The following ME1 variants were observed in gnomAD, a reference collection of about 807,000 sequenced individuals.
ME1 encodes malic enzyme 1.
A neutral mutation model predicts 66.4 loss-of-function variants in ME1; 74 were observed. The ratio of observed to expected loss-of-function variants is 1.11; its 90% CI spans 0.92 to 1.35. The LOEUF is 1.35. Ranked by LOEUF, ME1 falls within the 40% of genes most tolerant of loss-of-function variation. The probability of loss-of-function intolerance (pLI) is 0.00; values close to 1 mark genes in which losing one functional copy is unlikely to be tolerated. For missense variants in ME1, 750 were observed against 694.1 expected (o/e 1.08, Z -0.90); for synonymous variants, 251 against 235.6 (o/e 1.07, Z -0.60).
intron 1 of ME1, among the ~76,000 whole-genome samples, chr6:83,429,218 G>A (rs1399519402): frequency 2.0e-5 from 3 of 152,122 alleles, no homozygotes; most frequent in African/African-American, 4.8e-5. Context: ...AGCGGAGATC[G>A]CGCCACTGCA....
At chr6:83,340,539 A>T (rs1583389948) in intron 5 of ME1, among the ~76,000 whole-genome samples, 1 of 152,224 alleles carries the variant, frequency 6.6e-6, no homozygotes, top group Admixed American at 6.5e-5. Context: ...AATTTTAAGC[A>T]TTCTAAATGT....
chr6:83,243,439 T>G (rs1262799239), intron 7 of ME1, among the ~76,000 whole-genome samples: 14 of 127,322 alleles, frequency 1.1e-4, no homozygotes, highest in African/African-American at 4.4e-4. Context: ...ATTTATATAA[T>G]ATATTATATA....
At chr6:83,275,744 T>C (rs375107658) in intron 6 of ME1, among the ~76,000 whole-genome samples, 1 of 136,402 alleles carries the variant, frequency 7.3e-6, no homozygotes, top group East Asian at 2.2e-4. Context: ...GGATTACCGG[T>C]GTGAGCCACG....
intron 1 of ME1, among the ~76,000 whole-genome samples, chr6:83,419,059 TAGAA>T (rs1770214448): frequency 6.6e-6 from 1 of 152,192 alleles, no homozygotes; most frequent in South Asian, 2.1e-4. Context: ...AGATGAGCAC[TAGAA>T]AGAAAGGTAC....
chr6:83,426,603 G>A (rs1583430591), intron 1 of ME1, among the ~76,000 whole-genome samples: 1 of 152,282 alleles, frequency 6.6e-6, no homozygotes, highest in Non-Finnish European at 1.5e-5. Context: ...TCATTGCCAT[G>A]AATCTTATTT....
intron 6 of ME1, among the ~76,000 whole-genome samples, chr6:83,285,380 C>T (rs1345869651): frequency 6.6e-6 from 1 of 152,098 alleles, no homozygotes; most frequent in Non-Finnish European, 1.5e-5. Context: ...TACTTGCAAT[C>T]AGACTCTGGG....
intron 6 of ME1, among the ~76,000 whole-genome samples, chr6:83,309,307 A>C (rs577549457): frequency 4.9e-4 from 75 of 152,252 alleles, no homozygotes; most frequent in Non-Finnish European, 6.6e-4. Context: ...TTAACAGTTA[A>C]AAAATTGTTA....
At chr6:83,376,501 A>G (rs1303581510) in intron 3 of ME1, among the ~76,000 whole-genome samples, 3 of 151,618 alleles carry the variant, frequency 2.0e-5, no homozygotes, top group Non-Finnish European at 2.9e-5. Flanking sequence ...GTCAAAAAAA[A>G]AAAAAAAGAA....
intron 5 of ME1, among the ~76,000 whole-genome samples, chr6:83,317,650 C>A (rs546450807): frequency 3.3e-4 from 50 of 152,162 alleles, no homozygotes; most frequent in African/African-American, 1.2e-3. Context: ...ATTGAATACC[C>A]TTTATTTCCT....
intron 1 of ME1, among the ~76,000 whole-genome samples, chr6:83,423,803 A>G (rs1231835701): frequency 6.6e-6 from 1 of 152,026 alleles, no homozygotes; most frequent in African/African-American, 2.4e-5. Flanking sequence ...TCAAAAAAAA[A>G]TGAAAAATAA....
At chr6:83,282,599 G>A (rs1279669007) in intron 6 of ME1, among the ~76,000 whole-genome samples, 2 of 152,228 alleles carry the variant, frequency 1.3e-5, no homozygotes, top group Non-Finnish European at 2.9e-5. Flanking sequence ...TCATTAAAAA[G>A]TCAGGAAATA....
intron 5 of ME1, among the ~76,000 whole-genome samples, chr6:83,323,384 T>A (rs1039200251): frequency 6.6e-6 from 1 of 151,974 alleles, no homozygotes; most frequent in African/African-American, 2.4e-5. Context: ...TCAATACCCA[T>A]CAGTGTGCTG....
chr6:83,239,479 G>T, intron 8 of ME1, 60 bp downstream of exon 8: 1 of 1,135,932 alleles, frequency 8.8e-7, no homozygotes, highest in Non-Finnish European at 1.3e-6. Context: ...GAGTTAATGA[G>T]CAATTAACAC....
Position 83,411,177 on chromosome 6 carries a change from A to G in ME1, c.79-3276T>C, listed in dbSNP as rs987943909. Among the ~76,000 whole-genome samples, 22 of 152,172 alleles carry G rather than the reference A, an allele frequency of 1.4e-4. 1 individual carries two copies. Among genetic ancestry groups the G allele is most frequent in the Admixed American group, 9.2e-4 (14 of 15,280 alleles). The stretch of plus-strand genomic sequence containing the variant: ...GCGGGAGTTTGAGACCAGCCTGGCC[A>G]ATATGGTGAAACCCCATCTCTACTA... On this transcript the variant is annotated intron_variant, in intron 1 of 13. Coordinates refer to ENST00000369705, the MANE Select transcript of ME1 (RefSeq NM_002395.6).
chr6:83,342,120 G>A (rs1768597317), intron 5 of ME1, among the ~76,000 whole-genome samples: 1 of 152,106 alleles, frequency 6.6e-6, no homozygotes, highest in Non-Finnish European at 1.5e-5. Flanking sequence ...CAACCAATCA[G>A]ACTGATTGCA....
At chr6:83,227,306 T>C (rs1186888244) in intron 11 of ME1, 29 bp downstream of exon 11, 1 of 1,428,668 alleles carries the variant, frequency 7.0e-7, no homozygotes, top group South Asian at 1.6e-5. Context: ...AATTTGATTA[T>C]TAAAATATCT....
chr6:83,273,587 G>A (rs1021113534), intron 6 of ME1, among the ~76,000 whole-genome samples: 1 of 152,124 alleles, frequency 6.6e-6, no homozygotes, highest in Non-Finnish European at 1.5e-5. Flanking sequence ...CTTCTATGAT[G>A]AAGTATTTTC....
chr6:83,360,949 C>T (rs994355758), intron 3 of ME1, among the ~76,000 whole-genome samples: 2 of 152,186 alleles, frequency 1.3e-5, no homozygotes, highest in Admixed American at 6.5e-5. Context: ...TCCATAAGGC[C>T]CACCAGAAGA....
At chr6:83,282,335 A>AAT (rs1352149839) in intron 6 of ME1, among the ~76,000 whole-genome samples, 1 of 152,234 alleles carries the variant, frequency 6.6e-6, no homozygotes, top group Non-Finnish European at 1.5e-5. Flanking sequence ...CAACCTACAG[A>AAT]ATAGGAGAAA....
Sources: allele counts gnomAD v4.1 joint callset (sites outside exome capture counted in the v4.1 genomes callset), GRCh38; gene constraint gnomAD v4.1.1; transcripts MANE v1.5; gene names NCBI Gene and HGNC (gene_info 2026-07-23, HGNC 2026-07-21).